FUT9: variants seen among roughly 807,000 people sequenced by gnomAD.
FUT9 encodes the protein fucosyltransferase 9.
In FUT9, 15 loss-of-function variants were observed where a neutral mutation model predicts 29.7. That is an observed-to-expected ratio of 0.51 (90% CI 0.34 to 0.78). The LOEUF (loss-of-function observed/expected upper bound fraction) is 0.78, where lower values mean the gene tolerates loss of function less well. Among genes scored for constraint, FUT9 ranks in the 30% least tolerant of loss-of-function variants. The probability of loss-of-function intolerance (pLI) is 0.01; values close to 1 mark genes in which losing one functional copy is unlikely to be tolerated. For missense variants in FUT9, 319 were observed against 425.4 expected, an observed-to-expected ratio of 0.75 and a Z score of 2.20; for synonymous variants, 169 against 153.7, an observed-to-expected ratio of 1.10 and a Z score of -0.74.
chr6:96,164,916 G>C (rs1582278746), intron 2 of FUT9, among the ~76,000 whole-genome samples: 1 of 152,192 alleles, frequency 6.6e-6, no homozygotes, highest in African/African-American at 2.4e-5. Flanking sequence ...ATGGCTAGTG[G>C]TTTCTGTATG....
intron 1 of FUT9, among the ~76,000 whole-genome samples, chr6:96,085,481 G>T (rs115160960): frequency 3.3e-5 from 5 of 152,088 alleles, no homozygotes; most frequent in African/African-American, 1.2e-4. Flanking sequence ...TTCCAAGACC[G>T]CACCTTCTAA....
intron 2 of FUT9, among the ~76,000 whole-genome samples, chr6:96,150,268 C>T (rs1392720115): frequency 6.6e-6 from 1 of 152,108 alleles, no homozygotes; most frequent in Non-Finnish European, 1.5e-5. Flanking sequence ...AATTAGGAAT[C>T]AGGGAAGTCA....
At chr6:96,060,850 C>T (rs1248678595) in intron 1 of FUT9, among the ~76,000 whole-genome samples, 1 of 152,110 alleles carries the variant, frequency 6.6e-6, no homozygotes, top group African/African-American at 2.4e-5. Context: ...CATACTTAAC[C>T]TTTACAGAGG....
chr6:96,210,043 T>C lies in FUT9; in HGVS notation c.*5808T>C, dbSNP rs1290098311. The C allele has an allele frequency of 6.0e-6, 1 of 166,906 alleles. No homozygotes were observed. Among genetic ancestry groups the C allele is most frequent in the Non-Finnish European group, 1.5e-5 (1 of 68,060 alleles). 10.3% of individuals were successfully genotyped at this position (166,906 alleles called of 1,614,324 possible). ...ATCTACATAAAAATCATTTGAAATA[T>C]TGTTAATAATACACAGCTTCTGAAT... is the stretch of plus-strand genomic sequence containing the variant. On this transcript the variant is annotated 3_prime_UTR_variant, in exon 3 of 3. Coordinates refer to ENST00000302103, the MANE Select transcript of FUT9 (RefSeq NM_006581.4).
intron 1 of FUT9, among the ~76,000 whole-genome samples, chr6:96,042,846 G>A (rs1474458378): frequency 1.3e-5 from 2 of 152,092 alleles, no homozygotes; most frequent in Non-Finnish European, 2.9e-5. Flanking sequence ...AGAGTTTAGA[G>A]CAGGTAATTA....
At chr6:96,099,671 A>G (rs1279328477) in intron 1 of FUT9, among the ~76,000 whole-genome samples, 1 of 152,138 alleles carries the variant, frequency 6.6e-6, no homozygotes, top group African/African-American at 2.4e-5. Context: ...TAATAAATTT[A>G]TTAGTGTATT....
intron 2 of FUT9, among the ~76,000 whole-genome samples, chr6:96,163,385 C>T (rs1263539340): frequency 4.7e-5 from 7 of 149,690 alleles, no homozygotes; most frequent in Admixed American, 4.1e-4. Context: ...TGAGTTATTG[C>T]GGATGAACTG....
intron 1 of FUT9, among the ~76,000 whole-genome samples, chr6:96,072,066 A>C (rs1771072535): frequency 1.3e-5 from 2 of 152,218 alleles, no homozygotes; most frequent in African/African-American, 4.8e-5. Context: ...CCTAGGCAAT[A>C]TAGTAAGACC....
In FUT9 at chr6:96,140,724, G is replaced by A. The variant is rs146481522; in HGVS notation, c.-9+26597G>A. 3.3e-3 allele frequency among the ~76,000 whole-genome samples: 505 copies of A among 152,162 alleles called. 1 individual carries two copies. The highest frequency in any genetic ancestry group is 0.011 in the African/African-American group (450 of 41,524). The stretch of plus-strand genomic sequence containing the variant: ...TCAGATCTCATGAGACTTATTTGCT[G>A]TCACAAGAACAACACAGGAAAACCC... On this transcript the variant is annotated intron_variant, in intron 2 of 2. Coordinates refer to ENST00000302103, the MANE Select transcript of FUT9 (RefSeq NM_006581.4).
chr6:96,212,500 CTA>C lies in FUT9; in HGVS notation c.*8267_*8268del. 2.4e-6 allele frequency: 1 copy of C among 408,330 alleles called. No individual in the cohort carries two copies. Among genetic ancestry groups the C allele is most frequent in the Non-Finnish European group, 4.5e-6 (1 of 223,138 alleles). The allele number at this position is 408,330 out of a possible 1,614,324, so 25.3% of individuals were successfully genotyped here. Reference sequence around the variant, plus strand: ...AAAATAATTAATCAAAAAACAAAGACTATCATATTTGAGAACAAGATTTTACT... The same window carrying C: ...AAAATAATTAATCAAAAAACAAAGACTCATATTTGAGAACAAGATTTTACT... On this transcript the variant is annotated 3_prime_UTR_variant, in exon 3 of 3. Transcript: ENST00000302103.
intron 1 of FUT9, among the ~76,000 whole-genome samples, chr6:96,083,308 T>C (rs1771267701): frequency 6.6e-6 from 1 of 152,096 alleles, no homozygotes. Flanking sequence ...TTCTCACAAA[T>C]AGATAGATTG....
At chr6:96,153,264 T>C (rs1233123904) in intron 2 of FUT9, among the ~76,000 whole-genome samples, 1 of 152,176 alleles carries the variant, frequency 6.6e-6, no homozygotes, top group Non-Finnish European at 1.5e-5. Context: ...TCAGACCATC[T>C]GGGACTGTAT....
chr6:96,060,735 A>G (rs1055865443), intron 1 of FUT9, among the ~76,000 whole-genome samples: 5 of 151,916 alleles, frequency 3.3e-5, no homozygotes, highest in Admixed American at 6.6e-5. Flanking sequence ...ACAGGTTTTC[A>G]CCATGTTAGC....
At chr6:96,177,895 C>T (rs894991982) in intron 2 of FUT9, among the ~76,000 whole-genome samples, 1 of 152,102 alleles carries the variant, frequency 6.6e-6, no homozygotes, top group African/African-American at 2.4e-5. Flanking sequence ...TATTACTCTT[C>T]CATTAGAATT....
chr6:96,100,584 T>C (rs1771571628), intron 1 of FUT9, among the ~76,000 whole-genome samples: 1 of 152,150 alleles, frequency 6.6e-6, no homozygotes. Context: ...ACTCTGGAGA[T>C]AGCTAAAGAA....
At chr6:96,055,679 CGTTTTT>C (rs1224737497) in intron 1 of FUT9, among the ~76,000 whole-genome samples, 2 of 144,510 alleles carry the variant, frequency 1.4e-5, no homozygotes, top group South Asian at 4.6e-4. Flanking sequence ...TTTTTGTTTT[CGTTTTT>C]GTTTTTGTTT....
chr6:96,066,469 T>C (rs1770963836), intron 1 of FUT9, among the ~76,000 whole-genome samples: 1 of 152,052 alleles, frequency 6.6e-6, no homozygotes, highest in Non-Finnish European at 1.5e-5. Context: ...ACCACAAGTA[T>C]GATATTATCA....
chr6:96,161,243 C>T (rs118132740), intron 2 of FUT9, among the ~76,000 whole-genome samples: 257 of 152,222 alleles, frequency 1.7e-3, no homozygotes, highest in Admixed American at 4.8e-3. Context: ...GAGTACAGAG[C>T]TCTCCTGGAT....
intron 1 of FUT9, among the ~76,000 whole-genome samples, chr6:96,033,395 T>G (rs1245570769): frequency 6.6e-6 from 1 of 151,618 alleles, no homozygotes; most frequent in African/African-American, 2.4e-5. Context: ...AGCATTTTCA[T>G]GATTGATGAG....
Sources: gnomAD v4.1 joint callset for allele counts (sites outside exome capture counted in the v4.1 genomes callset) on GRCh38, gnomAD v4.1.1 for gene constraint, MANE v1.5 for transcripts, NCBI Gene and HGNC (gene_info 2026-07-23, HGNC 2026-07-21) for gene names.